The following RBM47 variants were observed in gnomAD, a reference collection of about 807,000 sequenced individuals.
RBM47 encodes the protein RNA binding motif protein 47.
Under a neutral mutation model 47.1 loss-of-function variants are expected in RBM47, and 21 were observed. The observed-to-expected ratio is 0.45, with a 90% CI of 0.32 to 0.64. RBM47 has a LOEUF of 0.64. Ranked by LOEUF, RBM47 falls within the 30% of genes least tolerant of loss-of-function variation. RBM47 has a pLI of 0.05. For synonymous variants in RBM47, 375 were observed against 361.7 expected (o/e 1.04, Z -0.42); for missense variants, 708 against 870.9 (o/e 0.81, Z 2.35).
intron 2 of RBM47, among the ~76,000 whole-genome samples, chr4:40,536,722 TG>T (rs201825078): frequency 0.11 from 12,986 of 119,004 alleles, 1,042 homozygotes; most frequent in African/African-American, 0.31. Context: ...TGTGTGTTTT[TG>T]TTTTTTTTTT....
chr4:40,619,497 C>T (rs1452522536), intron 1 of RBM47, among the ~76,000 whole-genome samples: 1 of 152,094 alleles, frequency 6.6e-6, no homozygotes, highest in African/African-American at 2.4e-5. Context: ...CTTTAGTGAC[C>T]CACATGCTCT....
At chr4:40,625,846 A>G (rs1737691481) in intron 1 of RBM47, among the ~76,000 whole-genome samples, 1 of 152,196 alleles carries the variant, frequency 6.6e-6, no homozygotes, top group Non-Finnish European at 1.5e-5. Flanking sequence ...GCAGAACCAG[A>G]AATCTCCTGA....
intron 2 of RBM47, among the ~76,000 whole-genome samples, chr4:40,477,559 C>G (rs940593414): frequency 1.3e-5 from 2 of 152,216 alleles, no homozygotes; most frequent in East Asian, 1.9e-4. Context: ...AGAAAAAGTT[C>G]TGGCATGTTT....
intron 1 of RBM47, among the ~76,000 whole-genome samples, chr4:40,607,069 A>T (rs900176453): frequency 2.0e-5 from 3 of 152,142 alleles, no homozygotes; most frequent in Non-Finnish European, 2.9e-5. Flanking sequence ...GCTGTGCAAA[A>T]ATCTATTTAT....
chr4:40,438,534 G>A lies in RBM47; in HGVS notation c.360C>T (p.His120=), dbSNP rs1000607858. 11 of 1,613,938 alleles carry A rather than the reference G, an allele frequency of 6.8e-6. No homozygotes were observed. The highest frequency in any genetic ancestry group is 9.3e-6 in the Non-Finnish European group (11 of 1,179,960). The change falls in exon 4 of 7, where the codon CAC becomes CAT. Residue 120 remains histidine, a synonymous_variant. Coordinates refer to ENST00000295971, the MANE Select transcript of RBM47 (RefSeq NM_001098634.2). ...NRGYAFVMYC[H]KHEAKRAVRE... is the part of the protein sequence containing the mutation. ...GCACTGCGCGCTTGGCCTCGTGCTT[G>A]TGGCAGTACATGACGAAGGCGTAGC...
At chr4:40,582,324 A>G (rs1048436380) in intron 1 of RBM47, among the ~76,000 whole-genome samples, 2 of 152,170 alleles carry the variant, frequency 1.3e-5, no homozygotes, top group African/African-American at 2.4e-5. Context: ...ACCTGAGGTC[A>G]GGAGTTCAAG....
intron 2 of RBM47, among the ~76,000 whole-genome samples, chr4:40,508,567 C>A (rs1003523234): frequency 6.6e-6 from 1 of 152,050 alleles, no homozygotes; most frequent in Non-Finnish European, 1.5e-5. Flanking sequence ...TGAGCGTCAC[C>A]GATAAAGGGT....
intron 1 of RBM47, among the ~76,000 whole-genome samples, chr4:40,549,507 GT>G (rs1246455927): frequency 1.4e-5 from 2 of 145,070 alleles, no homozygotes; most frequent in Non-Finnish European, 3.0e-5. Context: ...TGCAATAAAT[GT>G]TTTTTTTGTT....
rs751262841 is a variant in RBM47, at chr4:40,438,312, G to A, written c.582C>T (p.Arg194=). Residue 194 remains arginine (R), a synonymous_variant, in exon 4 of 7, where the codon CGC becomes CGT. Transcript: ENST00000295971. The stretch of plus-strand genomic sequence containing the variant: ...TCTCGTACTCCACGAAGGCGAAGCC[G>A]CGGTTCTTCATCTTGTCGGCCGCGC... ...YASAADKMKN[R]GFAFVEYESH... 1.9e-6 allele frequency: 3 copies of A among 1,606,896 alleles called. No individual in the cohort carries two copies. Among genetic ancestry groups the A allele is most frequent in the East Asian group, 2.2e-5 (1 of 44,888 alleles).
In RBM47 at chr4:40,552,379, C is replaced by T. The variant is rs956455144; in HGVS notation, c.-239-7873G>A. Among the ~76,000 whole-genome samples, 3 of 150,900 alleles carry T rather than the reference C, an allele frequency of 2.0e-5. No homozygotes were observed. In the South Asian group the frequency reaches 6.3e-4, roughly 32 times the overall value. ...CGCCACTGTACTCCAGCCTGGGCGACAGAGTGAGACTCTGTCTCAAAAATA... is the reference window on the plus strand; with the variant it reads ...CGCCACTGTACTCCAGCCTGGGCGATAGAGTGAGACTCTGTCTCAAAAATA... On this transcript the variant is annotated intron_variant, in intron 1 of 6. Coordinates refer to ENST00000295971, the MANE Select transcript of RBM47 (RefSeq NM_001098634.2).
At position 40,600,377 on chromosome 4, in the gene RBM47, G is replaced by C. The variant is rs746794393; in HGVS notation, c.-240+29019C>G. 7.1e-4 allele frequency among the ~76,000 whole-genome samples: 107 copies of C among 151,332 alleles called. 1 individual carries two copies. The highest frequency in any genetic ancestry group is 1.4e-3 in the Non-Finnish European group (92 of 67,910). On this transcript the variant is annotated intron_variant, in intron 1 of 6. Coordinates refer to ENST00000295971, the MANE Select transcript of RBM47 (RefSeq NM_001098634.2). ...AGGCCGGGCGCGGTGGCTCAAGCCT[G>C]TAATCCCAGCACTTTGGGAGGCCAA...
intron 1 of RBM47, among the ~76,000 whole-genome samples, chr4:40,586,878 G>C (rs898107029): frequency 6.6e-6 from 1 of 152,190 alleles, no homozygotes; most frequent in African/African-American, 2.4e-5. Context: ...GGGCAGGAGG[G>C]GATTCACAAC....
intron 1 of RBM47, among the ~76,000 whole-genome samples, chr4:40,574,031 C>T (rs746856442): frequency 3.9e-5 from 6 of 152,012 alleles, no homozygotes; most frequent in Non-Finnish European, 8.8e-5. Context: ...TCATAGCAAC[C>T]GAAGAGCAGT....
At chr4:40,527,449 T>G (rs973057061) in intron 2 of RBM47, among the ~76,000 whole-genome samples, 1 of 144,174 alleles carries the variant, frequency 6.9e-6, no homozygotes, top group Non-Finnish European at 1.5e-5. Context: ...TTTTTTTTTT[T>G]TTTTTTTTTT....
chr4:40,594,355 G>A (rs913756654), intron 1 of RBM47, among the ~76,000 whole-genome samples: 7 of 152,182 alleles, frequency 4.6e-5, no homozygotes, highest in Non-Finnish European at 8.8e-5. Flanking sequence ...TACTGAGATA[G>A]CAAATCTGCA....
At chr4:40,456,529 A>C (rs767463098) in intron 3 of RBM47, among the ~76,000 whole-genome samples, 1 of 150,064 alleles carries the variant, frequency 6.7e-6, no homozygotes, top group African/African-American at 2.5e-5. Context: ...ACTATACAAA[A>C]GTATTAGTCC....
In RBM47 at chr4:40,573,795, G is replaced by GAAAGAAAA. The variant is rs1553903525; in HGVS notation, c.-239-29290_-239-29289insTTTTCTTT. 1.0e-3 allele frequency among the ~76,000 whole-genome samples: 53 copies of GAAAGAAAA among 51,024 alleles called. No homozygotes were observed. The African/African-American group carries it at 0.014, about 14-fold the overall frequency. The allele number at this position is 51,024 out of a possible 152,430, so 33.5% of individuals were successfully genotyped here. On this transcript the variant is annotated intron_variant, in intron 1 of 6. Coordinates refer to ENST00000295971, the MANE Select transcript of RBM47 (RefSeq NM_001098634.2). ...AAAGAAAGAAAGAAAGAGAGAGAGA[G>GAAAGAAAA]AGAAAGAAAGAAAAAGAAAGAAAGA...
In RBM47 at chr4:40,437,862, G is replaced by A. The variant is rs943629361; in HGVS notation, c.1032C>T (p.Ser344=). Reference sequence around the variant, plus strand: ...TGTAGGGGTCGCAGGAGTACACGTAGCTGGGCTGCTGCGCTGCCTCAGCCG... The same window carrying A: ...TGTAGGGGTCGCAGGAGTACACGTAACTGGGCTGCTGCGCTGCCTCAGCCG... ...GGAAEAAQQP[S]YVYSCDPYTL... The change falls in exon 4 of 7, where the codon AGC becomes AGT. Residue 344 remains serine (S), a synonymous_variant. Coordinates refer to ENST00000295971, the MANE Select transcript of RBM47 (RefSeq NM_001098634.2). The A allele has an allele frequency of 8.1e-6, 13 of 1,613,834 alleles. No individual in the cohort carries two copies. The highest frequency in any genetic ancestry group is 1.1e-5 in the Non-Finnish European group (13 of 1,180,018).
At chr4:40,622,421 GA>G (rs1737348789) in intron 1 of RBM47, among the ~76,000 whole-genome samples, 1 of 152,228 alleles carries the variant, frequency 6.6e-6, no homozygotes, top group Non-Finnish European at 1.5e-5. Context: ...ACCCCATCAA[GA>G]AAAGGAGTGT....
Sources: gnomAD v4.1 joint callset for allele counts (sites outside exome capture counted in the v4.1 genomes callset) on GRCh38, gnomAD v4.1.1 for gene constraint, MANE v1.5 for transcripts, NCBI Gene and HGNC (gene_info 2026-07-23, HGNC 2026-07-21) for gene names.